The following SH3GL2 variants were observed in gnomAD, a reference collection of about 807,000 sequenced individuals.
SH3GL2 encodes the protein endophilin-A1.
A neutral mutation model predicts 46.0 loss-of-function variants in SH3GL2; 24 were observed. The ratio of observed to expected loss-of-function variants is 0.52; its 90% confidence interval spans 0.38 to 0.73. SH3GL2 has a LOEUF of 0.73. Among genes scored for constraint, SH3GL2 ranks in the 30% least tolerant of loss-of-function variants. The pLI is 0.00. For missense variants in SH3GL2, 413 were observed against 424.2 expected (o/e 0.97, Z 0.23); for synonymous variants, 196 against 147.1 (o/e 1.33, Z -2.40).
At chr9:17,647,896 A>G (rs1305679960) in intron 1 of SH3GL2, among the ~76,000 whole-genome samples, 1 of 152,142 alleles carries the variant, frequency 6.6e-6, no homozygotes, top group Non-Finnish European at 1.5e-5. Context: ...GCCACCCTTG[A>G]GACAGTGAGG....
chr9:17,690,052 T>G (rs1344363419), intron 1 of SH3GL2, among the ~76,000 whole-genome samples: 2 of 152,104 alleles, frequency 1.3e-5, no homozygotes, highest in African/African-American at 2.4e-5. Context: ...CCGCACATTC[T>G]GTGTGACTCT....
At position 17,671,140 on chromosome 9, in the gene SH3GL2, G is replaced by T. The variant is rs1375604598; in HGVS notation, c.46-75926G>T. ...CTGCTAAAGAAACAAGATATATGATGCTGGTATCTAACAGACTTTTAAATC... is the reference window on the plus strand; with the variant it reads ...CTGCTAAAGAAACAAGATATATGATTCTGGTATCTAACAGACTTTTAAATC... On this transcript the variant is annotated intron_variant, in intron 1 of 8. Transcript: ENST00000380607. Among the ~76,000 whole-genome samples, 4 of 152,298 alleles carry T rather than the reference G, an allele frequency of 2.6e-5. No individual in the cohort carries two copies. The South Asian group carries it at 6.2e-4, about 24-fold the overall frequency.
intron 1 of SH3GL2, among the ~76,000 whole-genome samples, chr9:17,717,808 T>A (rs576410484): frequency 0.094 from 10,094 of 107,730 alleles, 535 homozygotes; most frequent in Admixed American, 0.22. Context: ...ATGTTTGATA[T>A]TATTTAGTAG....
chr9:17,791,049 T>C (rs997700340), intron 6 of SH3GL2, among the ~76,000 whole-genome samples, 182 bp from the exon 7 acceptor site: 3 of 152,206 alleles, frequency 2.0e-5, no homozygotes, highest in Non-Finnish European at 4.4e-5. Flanking sequence ...TGCTTTCTTT[T>C]ATCCTTGATG....
At chr9:17,745,616 C>T (rs1822660556) in intron 1 of SH3GL2, among the ~76,000 whole-genome samples, 1 of 152,040 alleles carries the variant, frequency 6.6e-6, no homozygotes, top group Admixed American at 6.6e-5. Context: ...AGAGTGGTCT[C>T]TTCTGAGTGT....
chr9:17,681,200 C>T (rs1055246240), intron 1 of SH3GL2, among the ~76,000 whole-genome samples: 1 of 152,034 alleles, frequency 6.6e-6, no homozygotes, highest in Non-Finnish European at 1.5e-5. Flanking sequence ...AAAGGTATTA[C>T]GTTTAAGCAT....
At chr9:17,740,701 A>AT (rs879819316) in intron 1 of SH3GL2, among the ~76,000 whole-genome samples, 1 of 152,040 alleles carries the variant, frequency 6.6e-6, no homozygotes, top group Non-Finnish European at 1.5e-5. Flanking sequence ...TTACATTTAG[A>AT]TTTTTTTGCT....
At chr9:17,782,590 CA>C (rs1823841692) in intron 3 of SH3GL2, among the ~76,000 whole-genome samples, 2 of 152,048 alleles carry the variant, frequency 1.3e-5, no homozygotes, top group Admixed American at 1.3e-4. Flanking sequence ...GGCCTGGTGC[CA>C]AGGAGACCTG....
intron 3 of SH3GL2, among the ~76,000 whole-genome samples, chr9:17,783,353 A>C (rs1823866627): frequency 6.6e-6 from 1 of 151,734 alleles, no homozygotes; most frequent in Non-Finnish European, 1.5e-5. Flanking sequence ...TAGCAGAAGT[A>C]CTGAGTTTAC....
At chr9:17,658,777 G>A (rs1389840300) in intron 1 of SH3GL2, among the ~76,000 whole-genome samples, 3 of 152,180 alleles carry the variant, frequency 2.0e-5, no homozygotes, top group Admixed American at 2.0e-4. Flanking sequence ...TGTCTGAAAA[G>A]CTGTTGGAAA....
chr9:17,795,282 GT>G, intron 8 of SH3GL2, among the ~76,000 whole-genome samples: 1 of 152,302 alleles, frequency 6.6e-6, no homozygotes, highest in African/African-American at 2.4e-5. Context: ...AGATGTGACT[GT>G]TTTTCATACT....
At chr9:17,595,862 C>T (rs544836004) in intron 1 of SH3GL2, among the ~76,000 whole-genome samples, 283 of 152,034 alleles carry the variant, frequency 1.9e-3, no homozygotes, top group African/African-American at 5.3e-3. Flanking sequence ...ATAGACCAGG[C>T]GTTATGCTAT....
At chr9:17,635,571 T>A (rs1438454303) in intron 1 of SH3GL2, among the ~76,000 whole-genome samples, 7 of 152,186 alleles carry the variant, frequency 4.6e-5, no homozygotes, top group Non-Finnish European at 1.0e-4. Context: ...GTTAAGTGCC[T>A]AAAAGGTATC....
At chr9:17,739,957 T>C (rs548202694) in intron 1 of SH3GL2, among the ~76,000 whole-genome samples, 1 of 152,184 alleles carries the variant, frequency 6.6e-6, no homozygotes, top group East Asian at 1.9e-4. Context: ...AGGAACAAAA[T>C]AGGCTGGAAG....
At chr9:17,718,225 T>G (rs929222769) in intron 1 of SH3GL2, among the ~76,000 whole-genome samples, 3 of 152,122 alleles carry the variant, frequency 2.0e-5, no homozygotes, top group African/African-American at 7.2e-5. Context: ...ATATCATGGT[T>G]TTGTAGCACT....
chr9:17,778,232 C>A (rs1041258741), intron 3 of SH3GL2, among the ~76,000 whole-genome samples: 1 of 152,116 alleles, frequency 6.6e-6, no homozygotes, highest in Non-Finnish European at 1.5e-5. Context: ...GAAATCCATT[C>A]ATTTTTTTCA....
rs150701258 is a variant in SH3GL2 at position 17,689,433 on chromosome 9, C to A, written c.46-57633C>A. On this transcript the variant is annotated intron_variant, in intron 1 of 8. Transcript: ENST00000380607. ...TAATAATATATCAATATTGACTCGT[C>A]AATTGTAACAAATATGCCATATTAA... is the stretch of plus-strand genomic sequence containing the variant. Among the ~76,000 whole-genome samples, 4 of 152,106 alleles carry A rather than the reference C, an allele frequency of 2.6e-5. No individual in the cohort carries two copies. The East Asian group carries it at 5.8e-4, about 22-fold the overall frequency.
At chr9:17,602,776 A>T (rs943959491) in intron 1 of SH3GL2, among the ~76,000 whole-genome samples, 5 of 94,230 alleles carry the variant, frequency 5.3e-5, no homozygotes, top group African/African-American at 1.3e-4. Flanking sequence ...GTAGGTGAGA[A>T]TAACAAGGAC....
chr9:17,731,909 C>T (rs1822195521), intron 1 of SH3GL2, among the ~76,000 whole-genome samples: 1 of 152,090 alleles, frequency 6.6e-6, no homozygotes, highest in Non-Finnish European at 1.5e-5. Context: ...CAGTGCCGGA[C>T]ATACAAAAGA....
Sources: allele counts gnomAD v4.1 joint callset (sites outside exome capture counted in the v4.1 genomes callset), GRCh38; gene constraint gnomAD v4.1.1; transcripts MANE v1.5; gene names NCBI Gene and HGNC (gene_info 2026-07-23, HGNC 2026-07-21).